MYH10: variants seen among roughly 807,000 people sequenced by gnomAD.
The protein encoded by MYH10 is myosin-10.
MYH10 carries 55 observed loss-of-function variants against 257.8 expected under a neutral mutation model. The observed-to-expected ratio is 0.21, with a 90% CI of 0.17 to 0.27. The LOEUF is 0.27. Ranked by LOEUF, MYH10 falls within the 10% of genes least tolerant of loss-of-function variation. MYH10 has a pLI of 1.00. For synonymous variants in MYH10, 854 were observed against 921.7 expected (o/e 0.93, Z 1.33); for missense variants, 1,631 against 2,500.6 (o/e 0.65, Z 7.42).
chr17:8,503,300 A>AAAATAAAAAAT, intron 28 of MYH10, among the ~76,000 whole-genome samples: 1 of 150,482 alleles, frequency 6.6e-6, no homozygotes, highest in Non-Finnish European at 1.5e-5. Context: ...ATATAAAATA[A>AAAATAAAAAAT]AAAATAAAAT....
chr17:8,627,379 A>G (rs144301146), intron 1 of MYH10, among the ~76,000 whole-genome samples: 2 of 152,260 alleles, frequency 1.3e-5, no homozygotes, highest in African/African-American at 4.8e-5. Flanking sequence ...CCACAACCAA[A>G]AAGCTATTAT....
intron 4 of MYH10, among the ~76,000 whole-genome samples, chr17:8,588,516 C>A (rs1179235275): frequency 6.6e-6 from 1 of 152,222 alleles, no homozygotes; most frequent in Non-Finnish European, 1.5e-5. Flanking sequence ...CTAAACTGAA[C>A]ACCGCTTAAA....
intron 25 of MYH10, among the ~76,000 whole-genome samples, 196 bp from the exon 26 acceptor site, chr17:8,508,873 T>A: frequency 6.6e-6 from 1 of 152,174 alleles, no homozygotes; most frequent in East Asian, 1.9e-4. Context: ...GACAGTGGTC[T>A]CCTAAGATGA....
chr17:8,591,385 G>A (rs986817744), intron 3 of MYH10, among the ~76,000 whole-genome samples: 1 of 152,116 alleles, frequency 6.6e-6, no homozygotes, highest in Non-Finnish European at 1.5e-5. Context: ...ATGGGGCCTG[G>A]AATCTTTTCT....
rs370790463 is a variant in MYH10 at position 8,509,966 on chromosome 17, A to G, written c.2953-17T>C. The G allele has an allele frequency of 2.1e-5, 34 of 1,594,894 alleles. No individual in the cohort carries two copies. The African/African-American group carries it at 2.7e-4, about 13-fold the overall frequency. ...TTCCAGGTCCTTGTGAAGAACACAC[A>G]GTCAGTCTCGCCACTTTCTCGAGAT... On this transcript the variant is annotated splice_polypyrimidine_tract_variant and intron_variant, in intron 24 of 42. Transcript: ENST00000360416.
intron 17 of MYH10, 57 bp from the exon 18 acceptor site, chr17:8,521,342 A>G: frequency 6.5e-7 from 1 of 1,548,318 alleles, no homozygotes; most frequent in Non-Finnish European, 8.9e-7. Flanking sequence ...TTAGCAGGGA[A>G]AGAAAAGACA....
At chr17:8,530,536 C>CCGCCCCCCA in intron 17 of MYH10, 87 bp downstream of exon 17, 2 of 715,596 alleles carry the variant, frequency 2.8e-6, no homozygotes, top group Non-Finnish European at 2.2e-6. Context: ...CCGCCCTCCC[C>CCGCCCCCCA]GGCCACCCTG....
rs181367999 is a variant in MYH10 at position 8,574,066 on chromosome 17, A to G, written c.663+2577T>C. On this transcript the variant is annotated intron_variant, in intron 6 of 42. Transcript: ENST00000360416. ...AAAAATGAAAACATATGTTCTCACC[A>G]TAACTTGTACATGAGTGTTCACAGC... Among the ~76,000 whole-genome samples, 215 of 152,348 alleles carry G rather than the reference A, an allele frequency of 1.4e-3. 1 individual carries two copies. Among genetic ancestry groups the G allele is most frequent in the African/African-American group, 4.7e-3 (197 of 41,584 alleles).
Position 8,504,997 on chromosome 17 carries a change from A to C in MYH10, c.3387-91T>G. Reference sequence around the variant, plus strand: ...AGCCCCAGCCCCTGAGCACCTCTCCACGAGACCCCAGCCCCACATCCCTCC... The same window carrying C: ...AGCCCCAGCCCCTGAGCACCTCTCCCCGAGACCCCAGCCCCACATCCCTCC... On this transcript the variant is annotated intron_variant, in intron 27 of 42. Transcript: ENST00000360416. The surrounding 1 kb of genome is among the most constrained non-coding windows in gnomAD (Gnocchi z 5.6). The C allele has an allele frequency of 9.6e-7, 1 of 1,036,306 alleles. No homozygotes were observed. Among genetic ancestry groups the C allele is most frequent in the Non-Finnish European group, 1.5e-6 (1 of 678,154 alleles). The allele number at this position is 1,036,306 out of a possible 1,614,324, so 64.2% of individuals were successfully genotyped here.
chr17:8,494,151 G>A (rs1255677437), intron 31 of MYH10, among the ~76,000 whole-genome samples: 1 of 151,898 alleles, frequency 6.6e-6, no homozygotes, highest in African/African-American at 2.4e-5. Context: ...AGGCATCCCC[G>A]AGGCCTCCCC....
intron 7 of MYH10, among the ~76,000 whole-genome samples, chr17:8,559,537 T>A (rs2082917713): frequency 6.6e-6 from 1 of 152,282 alleles, no homozygotes; most frequent in South Asian, 2.1e-4. Context: ...TAATAATGAA[T>A]CAATTTCTAA....
chr17:8,625,542 C>T (rs1437183825), intron 1 of MYH10, among the ~76,000 whole-genome samples: 1 of 151,674 alleles, frequency 6.6e-6, no homozygotes, highest in Non-Finnish European at 1.5e-5. Flanking sequence ...GCAGTGGACG[C>T]AATCTCAGCT....
intron 2 of MYH10, among the ~76,000 whole-genome samples, chr17:8,617,570 T>G (rs375899897): frequency 6.6e-6 from 1 of 152,322 alleles, no homozygotes; most frequent in Admixed American, 6.5e-5. Context: ...GCTGAAGATA[T>G]GAGTTACAGA....
At chr17:8,508,341 G>T (rs530442055) in intron 26 of MYH10, among the ~76,000 whole-genome samples, 71 of 152,246 alleles carry the variant, frequency 4.7e-4, no homozygotes, top group Non-Finnish European at 5.9e-5. Context: ...GGCCTCATGA[G>T]ATCCTCCTGC....
chr17:8,591,783 AAAC>A (rs751171812), intron 3 of MYH10, among the ~76,000 whole-genome samples: 8 of 152,152 alleles, frequency 5.3e-5, no homozygotes, highest in African/African-American at 1.4e-4. Flanking sequence ...ACCCCCTGTC[AAAC>A]AACAACAAAA....
Position 8,475,569 on chromosome 17 carries a change from C to T in MYH10, c.*235G>A, listed in dbSNP as rs1912416073. 2.1e-6 allele frequency: 1 copy of T among 466,840 alleles called. No individual in the cohort carries two copies. The allele number at this position is 466,840 out of a possible 1,614,324, so 28.9% of individuals were successfully genotyped here. A position where few individuals can be genotyped will look rare whatever the true frequency, so the allele number is the denominator to read the frequency against. ...TTGATGACTATATGGAAAATAGATG[C>T]AATGATGAAACAATCTGTTTAATAT... is the stretch of plus-strand genomic sequence containing the variant. On this transcript the variant is annotated 3_prime_UTR_variant, in exon 43 of 43. Coordinates refer to ENST00000360416, the MANE Select transcript of MYH10 (RefSeq NM_001256012.3).
Position 8,476,872 on chromosome 17 carries a change from T to C in MYH10, c.5879+4A>G. 1 of 1,604,088 alleles carries C rather than the reference T, an allele frequency of 6.2e-7. No homozygotes were observed. The highest frequency in any genetic ancestry group is 8.5e-7 in the Non-Finnish European group (1 of 1,177,032). ...TGTCAGCTCGGGGCCGCATGCCTGC[T>C]CACCTCAGCCGGTTCTTCAGGGTGC... On this transcript the variant is annotated splice_donor_region_variant and intron_variant, in intron 42 of 42. Coordinates refer to ENST00000360416, the MANE Select transcript of MYH10 (RefSeq NM_001256012.3).
At chr17:8,595,382 A>G (rs1159091617) in intron 3 of MYH10, among the ~76,000 whole-genome samples, 1 of 140,656 alleles carries the variant, frequency 7.1e-6, no homozygotes, top group East Asian at 2.1e-4. Flanking sequence ...ATACTACTCA[A>G]TATTGTCTTT....
At chr17:8,498,130 GCAC>G (rs1324915096) in intron 30 of MYH10, among the ~76,000 whole-genome samples, 2 of 151,630 alleles carry the variant, frequency 1.3e-5, no homozygotes, top group Non-Finnish European at 2.9e-5. Context: ...TTACAGGTGT[GCAC>G]CACCACACCT....
Sources: gnomAD v4.1 joint callset for allele counts (sites outside exome capture counted in the v4.1 genomes callset) on GRCh38, gnomAD v4.1.1 for gene constraint, Gnocchi (gnomAD v3.1) non-coding constraint, MANE v1.5 for transcripts, NCBI Gene and HGNC (gene_info 2026-07-23, HGNC 2026-07-21) for gene names.